The following PTPRK variants were observed in gnomAD, a reference collection of about 807,000 sequenced individuals.
The protein encoded by PTPRK is protein tyrosine phosphatase receptor type K, also known as receptor-type tyrosine-protein phosphatase kappa.
A neutral mutation model predicts 178.0 loss-of-function variants in PTPRK; 75 were observed. That is an observed-to-expected ratio of 0.42 (90% CI 0.35 to 0.51). The LOEUF is 0.51. Ranked by LOEUF, PTPRK falls within the 20% of genes least tolerant of loss-of-function variation. PTPRK has a pLI of 0.02. For missense variants in PTPRK, 1,441 were observed against 1,797.8 expected, an observed-to-expected ratio of 0.80 and a Z score of 3.59; for synonymous variants, 637 against 620.6, an observed-to-expected ratio of 1.03 and a Z score of -0.39.
In PTPRK at chr6:127,992,661, G is replaced by A; in HGVS notation, c.2881+12C>T. ...TGTTTTTTCTATAACATTTAACAAG[G>A]CAAAGTTTTACCTTGGGTTGCAATG... On this transcript the variant is annotated intron_variant, in intron 19 of 29. Transcript: ENST00000368226. 6.3e-7 allele frequency: 1 copy of A among 1,585,288 alleles called. No homozygotes were observed. The highest frequency in any genetic ancestry group is 8.6e-7 in the Non-Finnish European group (1 of 1,167,612).
intron 7 of PTPRK, among the ~76,000 whole-genome samples, chr6:128,111,000 A>C (rs996528828): frequency 6.6e-6 from 1 of 152,168 alleles, no homozygotes; most frequent in African/African-American, 2.4e-5. Flanking sequence ...TCTGATGGTG[A>C]GGATCGGCAG....
intron 13 of PTPRK, among the ~76,000 whole-genome samples, chr6:128,027,454 C>T (rs963624169): frequency 9.9e-5 from 15 of 152,090 alleles, no homozygotes; most frequent in Non-Finnish European, 4.4e-5. Context: ...AAATCAGGTG[C>T]CTAAAAGTCA....
intron 3 of PTPRK, among the ~76,000 whole-genome samples, chr6:128,276,771 T>G (rs1374027221): frequency 6.6e-6 from 1 of 152,112 alleles, no homozygotes; most frequent in African/African-American, 2.4e-5. Context: ...TCCCCAAATA[T>G]TATTTCTCTA....
chr6:128,225,041 T>A (rs1021076333), intron 5 of PTPRK, among the ~76,000 whole-genome samples: 1 of 152,196 alleles, frequency 6.6e-6, no homozygotes, highest in African/African-American at 2.4e-5. Context: ...AAATATGGTA[T>A]AATTAAAATA....
chr6:128,286,978 C>T (rs1476340930), intron 3 of PTPRK, among the ~76,000 whole-genome samples: 4 of 152,138 alleles, frequency 2.6e-5, no homozygotes, highest in Non-Finnish European at 5.9e-5. Context: ...TGTCCTACTG[C>T]TTTTCAGTGG....
rs868495605 is a variant in PTPRK, at chr6:128,351,218, A to G, written c.224-28908T>C. Among the ~76,000 whole-genome samples, 3 of 152,226 alleles carry G rather than the reference A, an allele frequency of 2.0e-5. No individual in the cohort carries two copies. In the South Asian group the frequency reaches 6.2e-4, roughly 31 times the overall value. On this transcript the variant is annotated intron_variant, in intron 2 of 29. Coordinates refer to ENST00000368226, the MANE Select transcript of PTPRK (RefSeq NM_002844.4). ...TAAAAGGTGGCATTACTGTGCCAAA[A>G]TAAGCGGTGGTGATATAAACACGGG...
rs201114977 is a variant in PTPRK at position 127,970,257 on chromosome 6, A to T, written c.4293T>A (p.Asp1431Glu). The T allele has an allele frequency of 3.1e-6, 5 of 1,610,942 alleles. No individual in the cohort carries two copies. The Admixed American group carries it at 5.0e-5, about 16-fold the overall frequency. The change falls in exon 30 of 30, where the codon GAT (aspartate) becomes GAA (glutamate). Residue 1431 changes from aspartate to glutamate, a missense_variant. Physicochemically the swap from Asp to Glu is conservative, Grantham distance 45. This residue lies in a region of PTPRK where 335 missense variants were observed against 512.4 expected (regional missense o/e 0.65). Transcript: ENST00000368226. ...ATGATTCCAGGTACTCCAAAGCTACATCATAGCAGAAACGGTATTGCTCCT... is the reference window on the plus strand; with the variant it reads ...ATGATTCCAGGTACTCCAAAGCTACTTCATAGCAGAAACGGTATTGCTCCT... ...EAPEQYRFCY[D>E]VALEYLESS is the part of the protein sequence containing the mutation.
chr6:128,193,039 C>T (rs540818899), intron 6 of PTPRK, among the ~76,000 whole-genome samples: 3 of 152,094 alleles, frequency 2.0e-5, no homozygotes, highest in South Asian at 4.2e-4. Flanking sequence ...TTGGAGAACA[C>T]AATACCCAAA....
intron 6 of PTPRK, among the ~76,000 whole-genome samples, chr6:128,199,831 T>C (rs1162479318): frequency 2.6e-5 from 4 of 152,200 alleles, no homozygotes; most frequent in Admixed American, 2.0e-4. Flanking sequence ...AATGCTTCAA[T>C]GTACCAGATC....
chr6:128,467,063 C>T (rs1165790909), intron 1 of PTPRK, among the ~76,000 whole-genome samples: 1 of 152,156 alleles, frequency 6.6e-6, no homozygotes, highest in African/African-American at 2.4e-5. Context: ...TCTGCAGTGG[C>T]ACAGTCACAG....
In PTPRK at chr6:128,367,666, A is replaced by C. The variant is rs987961101; in HGVS notation, c.223+29900T>G. 2.0e-5 allele frequency among the ~76,000 whole-genome samples: 3 copies of C among 152,306 alleles called. No individual in the cohort carries two copies. The East Asian group carries it at 5.8e-4, about 29-fold the overall frequency. ...CCGAATCAAGTGTTGGCACAAGGCC[A>C]ATACTACAATAAAAGATAATATTAA... On this transcript the variant is annotated intron_variant, in intron 2 of 29. Transcript: ENST00000368226.
intron 2 of PTPRK, among the ~76,000 whole-genome samples, chr6:128,384,331 C>A (rs947533567): frequency 6.6e-6 from 1 of 151,984 alleles, no homozygotes; most frequent in African/African-American, 2.4e-5. Context: ...TATTTCTCAA[C>A]ATATAACTTA....
chr6:128,062,079 CTT>C (rs1780932811), intron 13 of PTPRK: 1 of 152,148 alleles, frequency 6.6e-6, no homozygotes, highest in Admixed American at 6.6e-5. Flanking sequence ...TGTCAGAAAA[CTT>C]TTTATTTTCA....
intron 2 of PTPRK, among the ~76,000 whole-genome samples, chr6:128,339,530 TG>T (rs1831385169): frequency 1.3e-5 from 2 of 152,240 alleles, no homozygotes; most frequent in East Asian, 3.9e-4. Context: ...ACAATGTGTT[TG>T]GGGTAAGAAA....
intron 10 of PTPRK, among the ~76,000 whole-genome samples, chr6:128,081,941 A>C (rs1024349335): frequency 6.6e-6 from 1 of 152,088 alleles, no homozygotes; most frequent in Non-Finnish European, 1.5e-5. Context: ...TTCCCATTTT[A>C]AAACTTATAT....
chr6:128,240,518 C>A (rs1291149185), intron 4 of PTPRK, among the ~76,000 whole-genome samples: 1 of 152,250 alleles, frequency 6.6e-6, no homozygotes, highest in East Asian at 1.9e-4. Flanking sequence ...GACATGAAAT[C>A]AGAACCTAAT....
At chr6:128,233,590 T>C (rs932069605) in intron 5 of PTPRK, among the ~76,000 whole-genome samples, 2 of 152,204 alleles carry the variant, frequency 1.3e-5, no homozygotes, top group African/African-American at 4.8e-5. Flanking sequence ...CCATAAGGAA[T>C]GACATTTCCT....
intron 13 of PTPRK, among the ~76,000 whole-genome samples, chr6:128,060,436 C>T (rs1315838105): frequency 4.6e-5 from 7 of 152,008 alleles, no homozygotes; most frequent in East Asian, 1.9e-4. Context: ...TCCTGTATCC[C>T]GAATTTAAGA....
chr6:128,384,355 G>A (rs557061609), intron 2 of PTPRK, among the ~76,000 whole-genome samples: 10 of 150,990 alleles, frequency 6.6e-5, no homozygotes, highest in South Asian at 2.1e-4. Flanking sequence ...GAGATATCTC[G>A]CAATACAAAG....
Sources: gnomAD v4.1 joint callset for allele counts (sites outside exome capture counted in the v4.1 genomes callset) on GRCh38, gnomAD v4.1.1 for gene constraint, gnomAD v4.1.1 regional missense constraint, MANE v1.5 for transcripts, NCBI Gene and HGNC (gene_info 2026-07-23, HGNC 2026-07-21) for gene names.